UBE2E2: variants seen among roughly 807,000 people sequenced by gnomAD.
UBE2E2 encodes the protein ubiquitin conjugating enzyme E2 E2.
A neutral mutation model predicts 24.7 loss-of-function variants in UBE2E2; 6 were observed. The ratio of observed to expected loss-of-function variants is 0.24; its 90% confidence interval spans 0.13 to 0.48. The LOEUF (loss-of-function observed/expected upper bound fraction) is 0.48, where lower values mean the gene tolerates loss of function less well. Ranked by LOEUF, UBE2E2 falls within the 20% of genes least tolerant of loss-of-function variation. The pLI, the probability that UBE2E2 is intolerant of heterozygous loss-of-function variation, is 0.99. For missense variants in UBE2E2, 169 were observed against 245.0 expected (o/e 0.69, Z 2.07); for synonymous variants, 104 against 83.6 (o/e 1.24, Z -1.33).
chr3:23,280,700 G>A lies in UBE2E2; in HGVS notation c.227+63388G>A. Among the ~76,000 whole-genome samples the A allele has an allele frequency of 6.6e-6, 1 of 152,298 alleles. No individual in the cohort carries two copies. Among genetic ancestry groups the A allele is most frequent in the South Asian group, 2.1e-4 (1 of 4,824 alleles). On this transcript the variant is annotated intron_variant, in intron 3 of 5. Coordinates refer to ENST00000396703, the MANE Select transcript of UBE2E2 (RefSeq NM_152653.4). This position sits in a 1 kb window ranked among gnomAD's most constrained non-coding sequence, Gnocchi z 4.3. ...TCACAAAACCCAATGCTTGGGCTCA[G>A]TAAATATTTATTGACTAAAGGAATG...
intron 3 of UBE2E2, among the ~76,000 whole-genome samples, chr3:23,335,786 G>C (rs1165155970): frequency 6.6e-6 from 1 of 152,108 alleles, no homozygotes; most frequent in Non-Finnish European, 1.5e-5. Flanking sequence ...CTCCCACTTT[G>C]GCCTCCCAAA....
intron 3 of UBE2E2, among the ~76,000 whole-genome samples, chr3:23,296,386 A>G (rs1698909426): frequency 6.6e-6 from 1 of 152,026 alleles, no homozygotes; most frequent in Admixed American, 6.6e-5. Flanking sequence ...ACATATGTAT[A>G]CATGTGCCAT....
chr3:23,259,685 C>CGGG (rs1697845126), intron 3 of UBE2E2, among the ~76,000 whole-genome samples: 1 of 152,014 alleles, frequency 6.6e-6, no homozygotes, highest in Admixed American at 6.6e-5. Context: ...TACCTTACAT[C>CGGG]ATATATACCC....
intron 3 of UBE2E2, among the ~76,000 whole-genome samples, chr3:23,270,470 G>A (rs1007843310): frequency 6.6e-6 from 1 of 152,056 alleles, no homozygotes; most frequent in Non-Finnish European, 1.5e-5. Flanking sequence ...TGGAGTTAGG[G>A]GAAACACTCG....
At chr3:23,518,694 A>T (rs1161989541) in intron 4 of UBE2E2, among the ~76,000 whole-genome samples, 1 of 152,134 alleles carries the variant, frequency 6.6e-6, no homozygotes, top group Non-Finnish European at 1.5e-5. Context: ...ACTGGTTTTC[A>T]GTAAGTTCTG....
intron 3 of UBE2E2, among the ~76,000 whole-genome samples, chr3:23,320,520 C>T (rs770251568): frequency 2.6e-5 from 4 of 152,206 alleles, no homozygotes; most frequent in Non-Finnish European, 5.9e-5. Flanking sequence ...CAGCCCTAGG[C>T]ATCTGCTAAT....
intron 3 of UBE2E2, among the ~76,000 whole-genome samples, chr3:23,295,126 A>G (rs76405460): frequency 0.014 from 2,170 of 152,296 alleles, 41 homozygotes; most frequent in African/African-American, 0.049. Context: ...TCAAAAACAC[A>G]GTGGAATGGA....
In UBE2E2 at chr3:23,342,966, T is replaced by C. The variant is rs146226526; in HGVS notation, c.227+125654T>C. ...TGGGGGTGGGGAACTTCTGCTGTTA[T>C]TGTTGCTGTGCTGGAGGAATGGTGC... On this transcript the variant is annotated intron_variant, in intron 3 of 5. Transcript: ENST00000396703. Among the ~76,000 whole-genome samples the C allele has an allele frequency of 7.9e-5, 12 of 152,242 alleles. No homozygotes were observed. In the East Asian group the frequency reaches 1.9e-3, roughly 24 times the overall value.
intron 3 of UBE2E2, chr3:23,271,276 T>C (rs750915113): frequency 3.2e-5 from 10 of 308,802 alleles, no homozygotes; most frequent in Non-Finnish European, 6.3e-5. Flanking sequence ...TTCCTTCAGA[T>C]GTTCAGATGT....
intron 3 of UBE2E2, among the ~76,000 whole-genome samples, chr3:23,301,701 A>G (rs2055155): frequency 0.81 from 123,569 of 152,142 alleles, 50,384 homozygotes; most frequent in African/African-American, 0.89. Context: ...CTACTGAGAG[A>G]TGCCTCCCAG....
chr3:23,314,232 G>A (rs997110288), intron 3 of UBE2E2, among the ~76,000 whole-genome samples: 6 of 152,068 alleles, frequency 3.9e-5, no homozygotes, highest in Non-Finnish European at 8.8e-5. Context: ...GGTTTCAAGT[G>A]ATGCCCCCAC....
intron 3 of UBE2E2, among the ~76,000 whole-genome samples, chr3:23,421,983 T>G (rs1364010648): frequency 6.6e-6 from 1 of 152,204 alleles, no homozygotes; most frequent in East Asian, 1.9e-4. Context: ...GTAGCAGATT[T>G]GTTTACCAGT....
chr3:23,551,819 C>T (rs532947714), intron 5 of UBE2E2, among the ~76,000 whole-genome samples: 3 of 152,280 alleles, frequency 2.0e-5, no homozygotes, highest in Non-Finnish European at 2.9e-5. Context: ...GTGTGTGCTA[C>T]GGACTGAACT....
chr3:23,397,766 C>T (rs1025336528), intron 3 of UBE2E2, among the ~76,000 whole-genome samples: 1 of 152,166 alleles, frequency 6.6e-6, no homozygotes, highest in Admixed American at 6.5e-5. Flanking sequence ...TTATCTATTT[C>T]ACTGTTGGTG....
intron 5 of UBE2E2, among the ~76,000 whole-genome samples, chr3:23,569,991 A>C (rs1295231307): frequency 6.6e-6 from 1 of 152,148 alleles, no homozygotes; most frequent in Non-Finnish European, 1.5e-5. Context: ...TCTATCCCTT[A>C]ACAATATCTA....
chr3:23,315,929 C>A (rs990684926), intron 3 of UBE2E2, among the ~76,000 whole-genome samples: 1 of 152,048 alleles, frequency 6.6e-6, no homozygotes, highest in African/African-American at 2.4e-5. Context: ...TCTGGATTAC[C>A]TGGCAGAGAC....
At chr3:23,322,773 A>G (rs181294613) in intron 3 of UBE2E2, among the ~76,000 whole-genome samples, 1 of 152,046 alleles carries the variant, frequency 6.6e-6, no homozygotes, top group East Asian at 1.9e-4. Flanking sequence ...AGTGCGTAGT[A>G]TTTTTTCAGA....
chr3:23,353,584 C>T (rs1695832318), intron 3 of UBE2E2, among the ~76,000 whole-genome samples: 1 of 152,284 alleles, frequency 6.6e-6, no homozygotes, highest in South Asian at 2.1e-4. Flanking sequence ...CATTCTTATA[C>T]ACCAATAGCA....
intron 2 of UBE2E2, among the ~76,000 whole-genome samples, chr3:23,209,211 A>G (rs891761185): frequency 6.6e-6 from 1 of 152,176 alleles, no homozygotes; most frequent in Non-Finnish European, 1.5e-5. Flanking sequence ...TCTGTTCAGT[A>G]ACACAGAATA....
Sources: gnomAD v4.1 joint callset for allele counts (sites outside exome capture counted in the v4.1 genomes callset) on GRCh38, gnomAD v4.1.1 for gene constraint, Gnocchi (gnomAD v3.1) non-coding constraint, MANE v1.5 for transcripts, NCBI Gene and HGNC (gene_info 2026-07-23, HGNC 2026-07-21) for gene names.